Variants in SGCG observed in about 807,000 individuals in gnomAD.
SGCG encodes the protein sarcoglycan gamma.
SGCG carries 26 observed loss-of-function variants against 29.3 expected under a neutral mutation model. The observed-to-expected ratio is 0.89, with a 90% CI of 0.65 to 1.23. The LOEUF (loss-of-function observed/expected upper bound fraction) is 1.23. Among genes scored for constraint, SGCG ranks in the 50% most tolerant of loss-of-function variants. The pLI, the probability that SGCG is intolerant of heterozygous loss-of-function variation, is 0.00. For missense variants in SGCG, 353 were observed against 356.0 expected (o/e 0.99, Z 0.07); for synonymous variants, 145 against 129.7 (o/e 1.12, Z -0.80).
intron 6 of SGCG, among the ~76,000 whole-genome samples, chr13:23,297,305 A>T (rs5023406): frequency 0.37 from 56,133 of 151,258 alleles, 10,963 homozygotes; most frequent in East Asian, 0.78. Context: ...CTAACCCAGC[A>T]GTGTTAGAGG....
At chr13:23,244,585 C>CACATTGTG (rs1420149861) in intron 3 of SGCG, 4 of 152,144 alleles carry the variant, frequency 2.6e-5, no homozygotes, top group Admixed American at 2.0e-4. Flanking sequence ...ACTGCCTTGA[C>CACATTGTG]ACATTGTAAC....
intron 6 of SGCG, among the ~76,000 whole-genome samples, chr13:23,312,277 T>C (rs1046974992): frequency 3.9e-5 from 6 of 152,236 alleles, no homozygotes; most frequent in African/African-American, 1.4e-4. Flanking sequence ...TGCCAATTTA[T>C]AAAAACCCAC....
At chr13:23,194,113 C>T (rs774439065) in intron 1 of SGCG, among the ~76,000 whole-genome samples, 4 of 152,066 alleles carry the variant, frequency 2.6e-5, no homozygotes, top group Non-Finnish European at 5.9e-5. Flanking sequence ...TTATGTGATC[C>T]CTCTGATTGA....
chr13:23,185,900 C>G (rs548410532), intron 1 of SGCG, among the ~76,000 whole-genome samples: 2 of 152,178 alleles, frequency 1.3e-5, no homozygotes, highest in Non-Finnish European at 2.9e-5. Context: ...TGACATAGCA[C>G]GAGTCCACCC....
chr13:23,170,911 A>G, the SGCG span, among the ~76,000 whole-genome samples: 1 of 152,198 alleles, frequency 6.6e-6, no homozygotes, highest in African/African-American at 2.4e-5. Flanking sequence ...AATGACCTGC[A>G]TGCATCATAG....
chr13:23,320,266 C>G (rs1362195322), intron 6 of SGCG, among the ~76,000 whole-genome samples: 2 of 152,222 alleles, frequency 1.3e-5, no homozygotes, highest in Non-Finnish European at 2.9e-5. Context: ...CCACTGCACT[C>G]TAGCCTGGGC....
chr13:23,259,762 T>C (rs1334605130), intron 4 of SGCG, among the ~76,000 whole-genome samples: 1 of 152,204 alleles, frequency 6.6e-6, no homozygotes, highest in Non-Finnish European at 1.5e-5. Context: ...CTCATTGGTT[T>C]CAAAGAACAT....
At chr13:23,210,886 G>A (rs1312526029) in intron 2 of SGCG, among the ~76,000 whole-genome samples, 2 of 152,104 alleles carry the variant, frequency 1.3e-5, no homozygotes. Context: ...AAGGTGGTAC[G>A]ATGAAGGCAG....
At position 23,203,737 on chromosome 13, in the gene SGCG, A is replaced by C. The variant is rs1365265626; in HGVS notation, c.43A>C (p.Ile15Leu). ...QYTTATEGIC[I>L]ERPENQYVYK... ...CACTACAGCCACAGAAGGCATCTGCATAGAGAGGCCAGAGAATCAGTATGT... is the reference window on the plus strand; with the variant it reads ...CACTACAGCCACAGAAGGCATCTGCCTAGAGAGGCCAGAGAATCAGTATGT... Residue 15 changes from isoleucine to leucine, a missense_variant, in exon 2 of 8, where the codon ATA becomes CTA. Ile to Leu is a conservative substitution (Grantham distance 5, BLOSUM62 2). Coordinates refer to ENST00000218867, the MANE Select transcript of SGCG (RefSeq NM_000231.3). 1.9e-6 allele frequency: 3 copies of C among 1,613,968 alleles called. No homozygotes were observed. The highest frequency in any genetic ancestry group is 2.7e-5 in the African/African-American group (2 of 74,938).
intron 1 of SGCG, among the ~76,000 whole-genome samples, chr13:23,202,241 A>C (rs1877797588): frequency 1.3e-5 from 2 of 152,220 alleles, no homozygotes; most frequent in Admixed American, 6.5e-5. Flanking sequence ...AAAAGCCATC[A>C]GAAGGTTTGG....
intron 2 of SGCG, among the ~76,000 whole-genome samples, chr13:23,231,180 C>T (rs769979055): frequency 2.0e-5 from 3 of 151,992 alleles, no homozygotes; most frequent in Non-Finnish European, 4.4e-5. Context: ...CTGCTGGAGT[C>T]GATTTGCTAG....
chr13:23,166,321 G>A, the SGCG span, among the ~76,000 whole-genome samples: 1,100 of 152,024 alleles, frequency 7.2e-3, 7 homozygotes, highest in South Asian at 0.021. Flanking sequence ...TCAGTCTCCC[G>A]AGTAGCTGGG....
chr13:23,211,524 C>G (rs1878211807), intron 2 of SGCG, among the ~76,000 whole-genome samples: 1 of 152,126 alleles, frequency 6.6e-6, no homozygotes, highest in Non-Finnish European at 1.5e-5. Flanking sequence ...ATCATTATTC[C>G]CACTTACCTG....
chr13:23,258,380 T>C (rs1880284054), intron 4 of SGCG, among the ~76,000 whole-genome samples: 1 of 151,734 alleles, frequency 6.6e-6, no homozygotes, highest in African/African-American at 2.4e-5. Context: ...ATGCTCGTGA[T>C]TTTGGCACAT....
At chr13:23,164,984 T>C in the SGCG span, among the ~76,000 whole-genome samples, 3 of 152,106 alleles carry the variant, frequency 2.0e-5, no homozygotes, top group African/African-American at 7.2e-5. Context: ...CCTCTCCCTC[T>C]CCTGTGGCCC....
At chr13:23,314,948 T>C (rs1882751990) in intron 6 of SGCG, among the ~76,000 whole-genome samples, 1 of 152,078 alleles carries the variant, frequency 6.6e-6, no homozygotes, top group Non-Finnish European at 1.5e-5. Context: ...AGGCTGCCAG[T>C]TTTTAGTGAG....
intron 6 of SGCG, among the ~76,000 whole-genome samples, chr13:23,298,877 G>A (rs531614161): frequency 2.0e-5 from 3 of 152,122 alleles, no homozygotes; most frequent in Non-Finnish European, 2.9e-5. Context: ...CTAAAAGGCG[G>A]TACTGAGGAA....
At chr13:23,168,068 AT>A in the SGCG span, among the ~76,000 whole-genome samples, 1 of 151,236 alleles carries the variant, frequency 6.6e-6, no homozygotes, top group African/African-American at 2.4e-5. Flanking sequence ...GGATTATTAT[AT>A]TTTTTCCTAT....
intron 4 of SGCG, among the ~76,000 whole-genome samples, chr13:23,263,225 C>T (rs1288607849): frequency 1.3e-5 from 2 of 151,556 alleles, no homozygotes; most frequent in African/African-American, 4.8e-5. Flanking sequence ...TTTTTAAAAT[C>T]ATTAGCTATA....
Sources: gnomAD v4.1 joint callset for allele counts (sites outside exome capture counted in the v4.1 genomes callset) on GRCh38, gnomAD v4.1.1 for gene constraint, MANE v1.5 for transcripts, NCBI Gene and HGNC (gene_info 2026-07-23, HGNC 2026-07-21) for gene names.